Variants in ELOVL2 observed in about 807,000 individuals in gnomAD.
The protein encoded by ELOVL2 is ELOVL fatty acid elongase 2, also known as very long chain fatty acid elongase 2.
A neutral mutation model predicts 37.7 loss-of-function variants in ELOVL2; 38 were observed. The observed-to-expected ratio is 1.01, with a 90% CI of 0.78 to 1.32. The LOEUF (loss-of-function observed/expected upper bound fraction) is 1.32, where lower values mean the gene tolerates loss of function less well. Among genes scored for constraint, ELOVL2 ranks in the 40% most tolerant of loss-of-function variants. ELOVL2 has a pLI of 0.00. For missense variants in ELOVL2, 352 were observed against 363.6 expected (o/e 0.97, Z 0.26); for synonymous variants, 115 against 122.3 (o/e 0.94, Z 0.40).
intron 1 of ELOVL2, among the ~76,000 whole-genome samples, chr6:11,033,096 G>C (rs1261191792): frequency 6.6e-6 from 1 of 152,026 alleles, no homozygotes; most frequent in Admixed American, 6.6e-5. Flanking sequence ...AGCCAGGCTG[G>C]TCTATTTACT....
In ELOVL2 at chr6:11,010,721, T is replaced by G. The variant is rs903313067; in HGVS notation, c.67+25A>C. On this transcript the variant is annotated intron_variant, in intron 2 of 7. Transcript: ENST00000354666. ...GTGTTCTTCCTGTGTTCCTTCCACA[T>G]TAAGTTCTCAAGTAATTCACTGACC... 8.2e-6 allele frequency: 13 copies of G among 1,589,802 alleles called. No homozygotes were observed. The African/African-American group carries it at 1.5e-4, about 18-fold the overall frequency.
Position 10,989,848 on chromosome 6 carries a change from C to T in ELOVL2, c.631-11G>A. ...GAGCACGAACTGCACCTGGGGACGG[C>T]AGAGAGGGCATCTCTGTGAGCGAGC... On this transcript the variant is annotated splice_polypyrimidine_tract_variant and intron_variant, in intron 6 of 7. Coordinates refer to ENST00000354666, the MANE Select transcript of ELOVL2 (RefSeq NM_017770.4). 1.2e-6 allele frequency: 2 copies of T among 1,613,880 alleles called. No homozygotes were observed. The highest frequency in any genetic ancestry group is 1.7e-6 in the Non-Finnish European group (2 of 1,179,888).
rs534650643 is a variant in ELOVL2 at position 10,982,552 on chromosome 6, C to A, written c.*1229G>T. The A allele has an allele frequency of 2.6e-5, 4 of 152,292 alleles. No individual in the cohort carries two copies. In the South Asian group the frequency reaches 8.3e-4, roughly 32 times the overall value. 9.4% of individuals were successfully genotyped at this position (152,292 alleles called of 1,614,324 possible). A position where few individuals can be genotyped will look rare whatever the true frequency, so the allele number is the denominator to read the frequency against. ...GTAGAGTTTAGTAGTGAGTAACAGT[C>A]CTGCACTTATGGAGAAAGGAAATAC... is the stretch of plus-strand genomic sequence containing the variant. On this transcript the variant is annotated 3_prime_UTR_variant, in exon 8 of 8. Transcript: ENST00000354666.
At chr6:11,025,392 T>C in intron 1 of ELOVL2, among the ~76,000 whole-genome samples, 1 of 152,210 alleles carries the variant, frequency 6.6e-6, no homozygotes, top group East Asian at 1.9e-4. Context: ...AATTTGGAAA[T>C]GAACTGGGCA....
intron 1 of ELOVL2, among the ~76,000 whole-genome samples, chr6:11,042,423 A>C (rs1402795286): frequency 6.6e-6 from 1 of 152,168 alleles, no homozygotes; most frequent in Non-Finnish European, 1.5e-5. Flanking sequence ...GAAGCATCAC[A>C]CTTGGGCAGG....
In ELOVL2 at chr6:10,989,702, C is replaced by T; in HGVS notation, c.765+1G>A. ...CTGCTGAATATTTACATTCCACGTA[C>T]CTGAACGTAAAAATTTAAGAAGAGG... On this transcript the variant is annotated splice_donor_variant, in intron 7 of 7. Coordinates refer to ENST00000354666, the MANE Select transcript of ELOVL2 (RefSeq NM_017770.4). LOFTEE classifies it high-confidence loss of function. 1.9e-6 allele frequency: 3 copies of T among 1,613,198 alleles called. No individual in the cohort carries two copies. Among genetic ancestry groups the T allele is most frequent in the Non-Finnish European group, 2.5e-6 (3 of 1,179,512 alleles).
chr6:11,037,936 A>G (rs1412084252), intron 1 of ELOVL2, among the ~76,000 whole-genome samples: 3 of 152,242 alleles, frequency 2.0e-5, no homozygotes, highest in Non-Finnish European at 2.9e-5. Flanking sequence ...TTTATGGGAA[A>G]GAAACTACAT....
chr6:11,027,050 C>A (rs554582479), intron 1 of ELOVL2, among the ~76,000 whole-genome samples: 4 of 152,206 alleles, frequency 2.6e-5, no homozygotes, highest in African/African-American at 9.6e-5. Context: ...TCTTGAACCT[C>A]CTGTCTAATG....
chr6:11,022,322 C>T (rs930573294), intron 1 of ELOVL2, among the ~76,000 whole-genome samples: 1 of 152,148 alleles, frequency 6.6e-6, no homozygotes, highest in Non-Finnish European at 1.5e-5. Context: ...CCAAGTACTG[C>T]GCTCAGCAGG....
chr6:10,999,068 T>TA (rs966040493), intron 4 of ELOVL2, among the ~76,000 whole-genome samples: 10 of 152,208 alleles, frequency 6.6e-5, no homozygotes, highest in South Asian at 2.1e-4. Flanking sequence ...TTATTAACAA[T>TA]AAAAAAATTA....
intron 3 of ELOVL2, among the ~76,000 whole-genome samples, chr6:11,004,151 C>A (rs1782439890): frequency 6.8e-6 from 1 of 147,706 alleles, no homozygotes; most frequent in East Asian, 1.9e-4. Flanking sequence ...CTGACTGATG[C>A]CTAAAATTCC....
In ELOVL2 at chr6:11,022,108, A is replaced by T. The variant is rs1036190062; in HGVS notation, c.4-11299T>A. Among the ~76,000 whole-genome samples the T allele has an allele frequency of 3.3e-5, 5 of 152,316 alleles. No homozygotes were observed. In the East Asian group the frequency reaches 9.7e-4, roughly 29 times the overall value. ...AAAAAGAATAGGATGTACTCATATA[A>T]GACACTGGGGGTGCCCTTGCAGTGC... On this transcript the variant is annotated intron_variant, in intron 1 of 7. Coordinates refer to ENST00000354666, the MANE Select transcript of ELOVL2 (RefSeq NM_017770.4).
Position 11,005,430 on chromosome 6 carries a change from C to A in ELOVL2, c.197G>T (p.Gly66Val). The A allele has an allele frequency of 6.2e-7, 1 of 1,614,068 alleles. No individual in the cohort carries two copies. Among genetic ancestry groups the A allele is most frequent in the Non-Finnish European group, 8.5e-7 (1 of 1,179,978 alleles). The change falls in exon 3 of 8, where the codon GGT (glycine) becomes GTT (valine). Residue 66 changes from glycine to valine, a missense_variant. By Grantham distance (109) the Gly-to-Val change is moderately radical. Transcript: ENST00000354666. ...MKNRPALSLRGILTLYNLGIT... is the reference protein window; with the variant it reads ...MKNRPALSLRVILTLYNLGIT... ...TCCAAGATTATACAAGGTGAGGATA[C>A]CCCTGAGAGAAAGAGCAGGTCTGTT...
chr6:10,994,642 C>T (rs941491040), intron 5 of ELOVL2, among the ~76,000 whole-genome samples: 5 of 152,160 alleles, frequency 3.3e-5, no homozygotes, highest in Admixed American at 2.0e-4. Context: ...AATGCCTCGC[C>T]TCGATCTGTT....
intron 4 of ELOVL2, among the ~76,000 whole-genome samples, chr6:10,996,573 G>C (rs1267295408): frequency 6.6e-6 from 1 of 152,130 alleles, no homozygotes; most frequent in African/African-American, 2.4e-5. Context: ...AGGAGGCTGA[G>C]GCAGGAGAAT....
Position 11,043,711 on chromosome 6 carries a change from G to A in ELOVL2, c.3+517C>T, listed in dbSNP as rs550573400. 92 of 155,068 alleles carry A rather than the reference G, an allele frequency of 5.9e-4. 1 individual carries two copies. The highest frequency in any genetic ancestry group is 2.0e-3 in the African/African-American group (85 of 41,610). The allele number at this position is 155,068 out of a possible 1,614,324, so 9.6% of individuals were successfully genotyped here. A position where few individuals can be genotyped will look rare whatever the true frequency, so the allele number is the denominator to read the frequency against. On this transcript the variant is annotated intron_variant, in intron 1 of 7. Coordinates refer to ENST00000354666, the MANE Select transcript of ELOVL2 (RefSeq NM_017770.4). ...TGCAGGCGCGGTGAAGGGAGGAGAG[G>A]GGCAAGAGCTTGACCGTTAGGGCCC...
intron 1 of ELOVL2, among the ~76,000 whole-genome samples, chr6:11,042,506 T>C (rs759164373): frequency 2.6e-5 from 4 of 152,102 alleles, no homozygotes; most frequent in Admixed American, 1.3e-4. Flanking sequence ...CCTATTCAGC[T>C]AAAGAGATTT....
chr6:11,005,666 A>G, intron 2 of ELOVL2, 107 bp from the exon 3 acceptor site: 1 of 882,650 alleles, frequency 1.1e-6, no homozygotes, highest in Non-Finnish European at 1.7e-6. Flanking sequence ...ACAGGGAACA[A>G]CTCCATACAA....
At chr6:10,999,066 A>G (rs1782327005) in intron 4 of ELOVL2, among the ~76,000 whole-genome samples, 1 of 152,190 alleles carries the variant, frequency 6.6e-6, no homozygotes. Context: ...TGTTATTAAC[A>G]ATAAAAAAAT....
Sources: gnomAD v4.1 joint callset for allele counts (sites outside exome capture counted in the v4.1 genomes callset) on GRCh38, gnomAD v4.1.1 for gene constraint, MANE v1.5 for transcripts, NCBI Gene and HGNC (gene_info 2026-07-23, HGNC 2026-07-21) for gene names.